The following SYT1 variants were observed in gnomAD, a reference collection of about 807,000 sequenced individuals.
SYT1 encodes synaptotagmin-1.
In SYT1, 8 loss-of-function variants were observed where a neutral mutation model predicts 44.8. The ratio of observed to expected loss-of-function variants is 0.18; its 90% confidence interval spans 0.10 to 0.32. SYT1 has a LOEUF of 0.32. Among genes scored for constraint, SYT1 ranks in the 10% least tolerant of loss-of-function variants. The pLI is 1.00. For synonymous variants in SYT1, 154 were observed against 188.8 expected, an observed-to-expected ratio of 0.82 and a Z score of 1.51; for missense variants, 286 against 509.3, an observed-to-expected ratio of 0.56 and a Z score of 4.22.
chr12:79,288,251 C>T (rs1016371006), intron 5 of SYT1, among the ~76,000 whole-genome samples: 4 of 151,886 alleles, frequency 2.6e-5, no homozygotes, highest in African/African-American at 7.3e-5. Context: ...ACCCAAAATT[C>T]AAAACAGCAT....
At chr12:79,251,995 G>GATAGATAGATAGATAA (rs1877244027) in intron 4 of SYT1, among the ~76,000 whole-genome samples, 1 of 151,734 alleles carries the variant, frequency 6.6e-6, no homozygotes, top group South Asian at 2.1e-4. Flanking sequence ...TAGATAGATA[G>GATAGATAGATAGATAA]ATAGATAGAT....
chr12:79,187,771 A>G (rs918977206), intron 3 of SYT1, among the ~76,000 whole-genome samples: 5 of 152,122 alleles, frequency 3.3e-5, no homozygotes, highest in Non-Finnish European at 5.9e-5. Context: ...TAGTGAACAA[A>G]AGGGAACCTT....
intron 9 of SYT1, among the ~76,000 whole-genome samples, chr12:79,421,418 G>C (rs963721896): frequency 2.0e-5 from 3 of 152,006 alleles, no homozygotes; most frequent in African/African-American, 7.2e-5. Context: ...TTTGACCATA[G>C]TTTCCTTGTT....
chr12:79,254,852 C>T (rs1037226019), intron 4 of SYT1, among the ~76,000 whole-genome samples: 20 of 152,036 alleles, frequency 1.3e-4, no homozygotes, highest in Non-Finnish European at 1.9e-4. Context: ...AGAAGTGGAG[C>T]CTGAAGATGT....
At chr12:79,208,974 C>A (rs1874284927) in intron 3 of SYT1, among the ~76,000 whole-genome samples, 1 of 152,150 alleles carries the variant, frequency 6.6e-6, no homozygotes, top group Non-Finnish European at 1.5e-5. Flanking sequence ...GTAACTAGAT[C>A]CATTTTGGAA....
At chr12:79,040,587 G>A (rs1873481789) in intron 2 of SYT1, among the ~76,000 whole-genome samples, 1 of 151,982 alleles carries the variant, frequency 6.6e-6, no homozygotes, top group African/African-American at 2.4e-5. Context: ...TGTTCACTCT[G>A]ATGGTAGTTT....
chr12:79,022,603 T>C (rs1050469390), intron 2 of SYT1, among the ~76,000 whole-genome samples: 2 of 151,682 alleles, frequency 1.3e-5, no homozygotes, highest in Non-Finnish European at 1.5e-5. Flanking sequence ...TGTTTTGTTT[T>C]GGAAAATTGT....
At chr12:78,883,039 T>G (rs543604692) in intron 1 of SYT1, among the ~76,000 whole-genome samples, 50 of 151,832 alleles carry the variant, frequency 3.3e-4, no homozygotes, top group African/African-American at 1.1e-3. Flanking sequence ...CAAGGTCATA[T>G]GATTTTTTAA....
chr12:79,168,886 A>G (rs577296650), intron 3 of SYT1, among the ~76,000 whole-genome samples: 1 of 152,130 alleles, frequency 6.6e-6, no homozygotes, highest in South Asian at 2.1e-4. Flanking sequence ...TAGCTTTCCC[A>G]TATCTTTGTG....
At chr12:78,890,582 C>A (rs931816830) in intron 1 of SYT1, among the ~76,000 whole-genome samples, 2 of 151,800 alleles carry the variant, frequency 1.3e-5, no homozygotes, top group Non-Finnish European at 2.9e-5. Context: ...CTAGACTGTT[C>A]AGGATGCTCT....
chr12:79,113,227 T>C (rs1879107417), intron 3 of SYT1, among the ~76,000 whole-genome samples: 1 of 152,164 alleles, frequency 6.6e-6, no homozygotes, highest in Non-Finnish European at 1.5e-5. Context: ...GTGCTAATAA[T>C]GACCATAACA....
chr12:79,138,648 T>C (rs1053469646), intron 3 of SYT1, among the ~76,000 whole-genome samples: 18 of 152,210 alleles, frequency 1.2e-4, no homozygotes, highest in Non-Finnish European at 2.9e-5. Flanking sequence ...ATTATTTGTG[T>C]GTGTGTGCAT....
intron 3 of SYT1, among the ~76,000 whole-genome samples, chr12:79,057,167 T>G (rs1462547177): frequency 6.6e-6 from 1 of 152,092 alleles, no homozygotes; most frequent in African/African-American, 2.4e-5. Flanking sequence ...TTATTTCTTT[T>G]CTATTCTGAA....
chr12:78,954,777 T>C (rs562849572), intron 1 of SYT1, among the ~76,000 whole-genome samples: 1 of 152,088 alleles, frequency 6.6e-6, no homozygotes, highest in Non-Finnish European at 1.5e-5. Flanking sequence ...AAATGCTAGA[T>C]CTAAAGGAGC....
intron 3 of SYT1, among the ~76,000 whole-genome samples, chr12:79,103,643 A>G (rs1236816856): frequency 6.6e-6 from 1 of 152,140 alleles, no homozygotes; most frequent in Non-Finnish European, 1.5e-5. Context: ...AAAATATTTT[A>G]AGTAGTTATA....
intron 3 of SYT1, among the ~76,000 whole-genome samples, chr12:79,120,954 G>T (rs202085829): frequency 3.7e-4 from 52 of 139,934 alleles, no homozygotes; most frequent in African/African-American, 1.4e-3. Flanking sequence ...TATATATATA[G>T]ATATATATAC....
At chr12:78,947,522 T>TAA (rs71441942) in intron 1 of SYT1, among the ~76,000 whole-genome samples, 4,903 of 142,592 alleles carry the variant, frequency 0.034, 138 homozygotes, top group African/African-American at 0.074. Context: ...TTGAATCTAG[T>TAA]AAAAAAAAAA....
chr12:79,019,841 C>T (rs558931287), intron 2 of SYT1, among the ~76,000 whole-genome samples: 1 of 152,014 alleles, frequency 6.6e-6, no homozygotes, highest in Non-Finnish European at 1.5e-5. Context: ...ATTTTCATAA[C>T]CCATTTAACA....
chr12:79,203,258 A>G (rs1177910782), intron 3 of SYT1, among the ~76,000 whole-genome samples: 3 of 152,180 alleles, frequency 2.0e-5, no homozygotes, highest in Admixed American at 2.0e-4. Flanking sequence ...GCTCAACGGC[A>G]TTGTGAGGTT....
Sources: allele counts gnomAD v4.1 joint callset (sites outside exome capture counted in the v4.1 genomes callset), GRCh38; gene constraint gnomAD v4.1.1; transcripts MANE v1.5; gene names NCBI Gene and HGNC (gene_info 2026-07-23, HGNC 2026-07-21).